The following VTA1 variants were observed in gnomAD, a reference collection of about 807,000 sequenced individuals.
The protein encoded by VTA1 is vesicle trafficking 1, also known as vacuolar protein sorting-associated protein VTA1 homolog.
VTA1 carries 24 observed loss-of-function variants against 36.9 expected under a neutral mutation model. The observed-to-expected ratio is 0.65, with a 90% CI of 0.47 to 0.91. The LOEUF is 0.91. VTA1 is among the 40% of genes least tolerant of loss of function. The pLI, the probability that VTA1 is intolerant of heterozygous loss-of-function variation, is 0.00. For missense variants in VTA1, 393 were observed against 377.2 expected, an observed-to-expected ratio of 1.04 and a Z score of -0.35; for synonymous variants, 142 against 130.2, an observed-to-expected ratio of 1.09 and a Z score of -0.62.
intron 2 of VTA1, among the ~76,000 whole-genome samples, chr6:142,169,244 T>C (rs994490994): frequency 1.4e-4 from 22 of 152,338 alleles, no homozygotes; most frequent in African/African-American, 5.3e-4. Flanking sequence ...TTGAAATATT[T>C]GATGCTTCCT....
chr6:142,198,428 T>C lies in VTA1; in HGVS notation c.521-11T>C. The stretch of plus-strand genomic sequence containing the variant: ...TACCTACTGTAACATTGTGTATATG[T>C]GATCTGATAGATATTGAAGAAAATG... On this transcript the variant is annotated splice_polypyrimidine_tract_variant and intron_variant, in intron 5 of 7. Coordinates refer to ENST00000367630, the MANE Select transcript of VTA1 (RefSeq NM_016485.5). 6.2e-7 allele frequency: 1 copy of C among 1,613,576 alleles called. No homozygotes were observed. The highest frequency in any genetic ancestry group is 8.5e-7 in the Non-Finnish European group (1 of 1,179,628).
intron 2 of VTA1, among the ~76,000 whole-genome samples, chr6:142,166,915 C>G (rs2114642379): frequency 6.6e-6 from 1 of 152,292 alleles, no homozygotes; most frequent in Non-Finnish European, 1.5e-5. Context: ...CATGAGCCAC[C>G]ATGCCCAGCC....
At chr6:142,147,996 AAGC>A (rs1214998374) in intron 1 of VTA1, among the ~76,000 whole-genome samples, 2 of 152,160 alleles carry the variant, frequency 1.3e-5, no homozygotes, top group Non-Finnish European at 2.9e-5. Context: ...AGACCTTTGA[AAGC>A]AGTATTTTCA....
At chr6:142,198,112 T>A (rs868036428) in intron 5 of VTA1, among the ~76,000 whole-genome samples, 50,248 of 128,724 alleles carry the variant, frequency 0.39, 11,795 homozygotes, top group Middle Eastern at 0.55. Context: ...AAAATATATA[T>A]ATATATATGT....
chr6:142,211,051 T>C (rs1195346734), intron 7 of VTA1, among the ~76,000 whole-genome samples: 1 of 151,904 alleles, frequency 6.6e-6, no homozygotes, highest in Non-Finnish European at 1.5e-5. Flanking sequence ...TTGTTTGAAA[T>C]AAAATAAGCC....
At chr6:142,173,274 T>G (rs867195850) in intron 4 of VTA1, among the ~76,000 whole-genome samples, 1 of 152,204 alleles carries the variant, frequency 6.6e-6, no homozygotes, top group African/African-American at 2.4e-5. Context: ...TAAACACTTA[T>G]TTTTGCAGTG....
At position 142,204,070 on chromosome 6, in the gene VTA1, G is replaced by C; in HGVS notation, c.778+5G>C. 6.2e-7 allele frequency: 1 copy of C among 1,612,562 alleles called. No individual in the cohort carries two copies. Among genetic ancestry groups the C allele is most frequent in the Non-Finnish European group, 8.5e-7 (1 of 1,178,868 alleles). ...TTTTCAATACAATTTCCCAGGGTAAGTCAGCTGACTATTTTGTGAGATACA... is the reference window on the plus strand; with the variant it reads ...TTTTCAATACAATTTCCCAGGGTAACTCAGCTGACTATTTTGTGAGATACA... On this transcript the variant is annotated splice_donor_5th_base_variant and intron_variant, in intron 7 of 7. Transcript: ENST00000367630.
At chr6:142,163,791 T>C (rs544914050) in intron 1 of VTA1, among the ~76,000 whole-genome samples, 2 of 152,248 alleles carry the variant, frequency 1.3e-5, no homozygotes, top group South Asian at 4.1e-4. Context: ...AACCTTTTGA[T>C]CACCTATCCA....
At chr6:142,147,427 T>G (rs1300188922) in intron 1 of VTA1, 28 bp downstream of exon 1, 1 of 1,604,344 alleles carries the variant, frequency 6.2e-7, no homozygotes, top group Non-Finnish European at 8.5e-7. Flanking sequence ...GCCGCGCCCT[T>G]TCTTTCCCAG....
chr6:142,170,321 T>C, intron 3 of VTA1, 25 bp from the exon 4 acceptor site: 2 of 1,401,122 alleles, frequency 1.4e-6, no homozygotes, highest in Non-Finnish European at 9.4e-7. Context: ...ATATTTAAAC[T>C]AGACCGCTCT....
chr6:142,207,856 G>C (rs1775824336), intron 7 of VTA1, among the ~76,000 whole-genome samples: 3 of 152,074 alleles, frequency 2.0e-5, no homozygotes, highest in Admixed American at 2.0e-4. Context: ...GGCTGAGGTG[G>C]GCAGATTACC....
intron 1 of VTA1, among the ~76,000 whole-genome samples, chr6:142,162,197 A>T (rs1460058917): frequency 6.6e-6 from 1 of 152,210 alleles, no homozygotes; most frequent in Non-Finnish European, 1.5e-5. Flanking sequence ...TGCTGCGTTA[A>T]TTATCTGCAT....
chr6:142,215,327 G>C (rs936250402), intron 7 of VTA1, among the ~76,000 whole-genome samples: 4 of 151,912 alleles, frequency 2.6e-5, no homozygotes, highest in Non-Finnish European at 4.4e-5. Flanking sequence ...TGTAGTCCCA[G>C]CTACTTGGGA....
Position 142,211,683 on chromosome 6 carries a change from C to T in VTA1, c.779-6815C>T, listed in dbSNP as rs577026144. ...CTGAGATAGCACCACTGCAGTCCGG[C>T]CTGGGCGAAAGAGCGAGACTCCATC... On this transcript the variant is annotated intron_variant, in intron 7 of 7. Transcript: ENST00000367630. 1.0e-4 allele frequency among the ~76,000 whole-genome samples: 15 copies of T among 148,592 alleles called. No homozygotes were observed. In the East Asian group the frequency reaches 3.0e-3, roughly 30 times the overall value.
intron 1 of VTA1, among the ~76,000 whole-genome samples, chr6:142,159,175 C>A (rs920684930): frequency 6.6e-6 from 1 of 151,898 alleles, no homozygotes; most frequent in South Asian, 2.1e-4. Flanking sequence ...GCCTAGGCAA[C>A]ATGGTGAAAC....
chr6:142,156,803 C>T (rs1465519823), intron 1 of VTA1, among the ~76,000 whole-genome samples: 1 of 152,082 alleles, frequency 6.6e-6, no homozygotes, highest in East Asian at 1.9e-4. Context: ...CAGGACATAC[C>T]AGTAGAAAAT....
At chr6:142,203,011 A>G (rs1437606239) in intron 6 of VTA1, among the ~76,000 whole-genome samples, 5 of 151,970 alleles carry the variant, frequency 3.3e-5, no homozygotes, top group Non-Finnish European at 7.4e-5. Context: ...TGGGGTTGAG[A>G]AAAATCTTAA....
At chr6:142,208,469 A>G (rs561057954) in intron 7 of VTA1, among the ~76,000 whole-genome samples, 1 of 152,184 alleles carries the variant, frequency 6.6e-6, no homozygotes, top group Admixed American at 6.5e-5. Context: ...TCTAAGAGCC[A>G]TTGATGTTCA....
rs139804365 is a variant in VTA1, at chr6:142,211,402, A to G, written c.779-7096A>G. Among the ~76,000 whole-genome samples, 138 of 152,366 alleles carry G rather than the reference A, an allele frequency of 9.1e-4. 3 individuals are homozygous for G. The East Asian group carries it at 0.024, about 27-fold the overall frequency. On this transcript the variant is annotated intron_variant, in intron 7 of 7. Coordinates refer to ENST00000367630, the MANE Select transcript of VTA1 (RefSeq NM_016485.5). ...CAATGACTTTTTAAATGCATGACCT[A>G]TAAAAGAAAGAAATGATAACGCAGA...
Sources: gnomAD v4.1 joint callset for allele counts (sites outside exome capture counted in the v4.1 genomes callset) on GRCh38, gnomAD v4.1.1 for gene constraint, MANE v1.5 for transcripts, NCBI Gene and HGNC (gene_info 2026-07-23, HGNC 2026-07-21) for gene names.